The following USH2A variants were observed in gnomAD, a reference collection of about 807,000 sequenced individuals.
USH2A encodes the protein Usher syndrome 2A (autosomal recessive, mild).
USH2A carries 443 observed loss-of-function variants against 538.9 expected under a neutral mutation model. That is an observed-to-expected ratio of 0.82 (90% CI 0.76 to 0.89). The LOEUF is 0.89. USH2A is among the 40% of genes least tolerant of loss of function. The pLI is 0.00. For synonymous variants in USH2A, 2,413 were observed against 2,273.5 expected, an observed-to-expected ratio of 1.06 and a Z score of -1.75; for missense variants, 6,633 against 6,324.8, an observed-to-expected ratio of 1.05 and a Z score of -1.65.
chr1:215,759,503 CTG>C (rs376235438), intron 57 of USH2A, among the ~76,000 whole-genome samples, 155 bp downstream of exon 57: 1 of 152,178 alleles, frequency 6.6e-6, no homozygotes, highest in Non-Finnish European at 1.5e-5. Context: ...AGTCTAAAGA[CTG>C]AATGATTTAG....
chr1:216,400,304 A>G (rs1284713565), intron 3 of USH2A, among the ~76,000 whole-genome samples: 1 of 151,702 alleles, frequency 6.6e-6, no homozygotes, highest in Non-Finnish European at 1.5e-5. Flanking sequence ...AACTTGCTAT[A>G]TGGGTTCAAG....
At chr1:215,962,711 G>A (rs1487772991) in intron 37 of USH2A, among the ~76,000 whole-genome samples, 1 of 151,984 alleles carries the variant, frequency 6.6e-6, no homozygotes, top group East Asian at 1.9e-4. Context: ...GATATAAGAA[G>A]CTGAGCACAC....
chr1:216,302,030 A>G (rs1482653580), intron 9 of USH2A, among the ~76,000 whole-genome samples: 2 of 152,200 alleles, frequency 1.3e-5, no homozygotes, highest in African/African-American at 4.8e-5. Flanking sequence ...TAAAAACTTT[A>G]GTGTACTCAG....
intron 61 of USH2A, among the ~76,000 whole-genome samples, chr1:215,683,242 C>T (rs1658300332): frequency 8.0e-5 from 1 of 12,502 alleles, no homozygotes; most frequent in African/African-American, 1.7e-4. Context: ...CACACACACA[C>T]ACACACACAC....
chr1:216,219,155 C>T (rs1321356114), intron 14 of USH2A, among the ~76,000 whole-genome samples: 4 of 151,950 alleles, frequency 2.6e-5, no homozygotes, highest in South Asian at 2.1e-4. Flanking sequence ...AACATAATTC[C>T]GTTCCTTGAT....
At chr1:216,044,444 T>A (rs1209533700) in intron 32 of USH2A, among the ~76,000 whole-genome samples, 1 of 152,152 alleles carries the variant, frequency 6.6e-6, no homozygotes, top group African/African-American at 2.4e-5. Context: ...ATGGTGTGAT[T>A]TAATTTTTTC....
Position 215,867,170 on chromosome 1 carries a change from C to T in USH2A, c.8682G>A (p.Arg2894=), listed in dbSNP as rs773808835. The T allele has an allele frequency of 4.3e-6, 7 of 1,613,660 alleles. No individual in the cohort carries two copies. In the Admixed American group the frequency reaches 1.2e-4, roughly 27 times the overall value. The part of the protein sequence containing the change: ...QWLYEDKGLS[R]FTTYEYMLFV... ...AGAGCATATATTCATAGGTTGTAAACCTAAAATGTTGTTTTGTTAAAAAAA... is the reference window on the plus strand; with the variant it reads ...AGAGCATATATTCATAGGTTGTAAATCTAAAATGTTGTTTTGTTAAAAAAA... The change falls in exon 44 of 72, where the codon AGG becomes AGA. Residue 2894 remains arginine (R), a splice_region_variant and synonymous_variant. Transcript: ENST00000307340.
intron 64 of USH2A, among the ~76,000 whole-genome samples, chr1:215,655,722 A>ATTTTTTT (rs1657224342): frequency 9.6e-6 from 1 of 103,692 alleles, no homozygotes; most frequent in East Asian, 3.2e-4. Flanking sequence ...TGTGCTAGTT[A>ATTTTTTT]TTCTTTTTTT....
At chr1:216,119,659 A>G (rs1192862870) in intron 21 of USH2A, among the ~76,000 whole-genome samples, 3 of 152,172 alleles carry the variant, frequency 2.0e-5, no homozygotes. Context: ...TGACAAGATA[A>G]TTAAACAAAA....
At chr1:216,418,757 T>C (rs2039622934) in intron 2 of USH2A, 78 bp from the exon 3 acceptor site, 1 of 1,550,254 alleles carries the variant, frequency 6.5e-7, no homozygotes, top group Non-Finnish European at 8.9e-7. Flanking sequence ...GCAGTTACAG[T>C]GGTGTTAAAA....
rs72742730 is a variant in USH2A at position 215,787,770 on chromosome 1, G to A, written c.10183-896C>T. ...TCAAAAATATATAGTGGGTCTGGGC[G>A]CAGTGGCTCATGTCTATAATCCCAA... On this transcript the variant is annotated intron_variant, in intron 51 of 71. Coordinates refer to ENST00000307340, the MANE Select transcript of USH2A (RefSeq NM_206933.4). Among the ~76,000 whole-genome samples, 926 of 152,218 alleles carry A rather than the reference G, an allele frequency of 6.1e-3. 5 individuals carry two copies. The highest frequency in any genetic ancestry group is 8.3e-3 in the Non-Finnish European group (564 of 68,018).
chr1:215,672,026 C>A (rs1054768835), intron 63 of USH2A, among the ~76,000 whole-genome samples: 5 of 152,210 alleles, frequency 3.3e-5, no homozygotes, highest in African/African-American at 1.2e-4. Flanking sequence ...GACACCTTAT[C>A]ACCATCCAGT....
At chr1:215,664,671 A>G (rs1347365678) in intron 64 of USH2A, among the ~76,000 whole-genome samples, 3 of 152,184 alleles carry the variant, frequency 2.0e-5, no homozygotes, top group African/African-American at 7.2e-5. Flanking sequence ...CTTCAAATAC[A>G]TATGTTGAAG....
intron 23 of USH2A, among the ~76,000 whole-genome samples, chr1:216,087,765 T>C: frequency 6.6e-6 from 1 of 152,158 alleles, no homozygotes; most frequent in East Asian, 1.9e-4. Context: ...TCTTATTATA[T>C]CTTCAATTAT....
intron 21 of USH2A, among the ~76,000 whole-genome samples, chr1:216,103,393 C>G (rs931432781): frequency 1.3e-5 from 2 of 152,204 alleles, no homozygotes; most frequent in African/African-American, 4.8e-5. Flanking sequence ...ATCCAAAAGC[C>G]TTTATCCCTG....
intron 59 of USH2A, among the ~76,000 whole-genome samples, chr1:215,742,447 T>C (rs1420646401): frequency 2.8e-5 from 4 of 142,700 alleles, no homozygotes; most frequent in Admixed American, 8.9e-5. Context: ...TTATATATGA[T>C]ATACACATAT....
At chr1:216,085,844 G>A (rs1449928840) in intron 24 of USH2A, among the ~76,000 whole-genome samples, 1 of 151,924 alleles carries the variant, frequency 6.6e-6, no homozygotes, top group Non-Finnish European at 1.5e-5. Context: ...AATCAGCCTT[G>A]AGGATTCAAC....
chr1:216,407,827 C>A (rs970145370), intron 3 of USH2A, among the ~76,000 whole-genome samples: 1 of 151,406 alleles, frequency 6.6e-6, no homozygotes, highest in Non-Finnish European at 1.5e-5. Context: ...ATGACAATTC[C>A]ATTAGATAAT....
chr1:216,178,242 C>A (rs531985155), intron 20 of USH2A, among the ~76,000 whole-genome samples: 1 of 152,162 alleles, frequency 6.6e-6, no homozygotes, highest in Non-Finnish European at 1.5e-5. Context: ...TCTGCCACTG[C>A]AGCCCATGTG....
Sources: gnomAD v4.1 joint callset for allele counts (sites outside exome capture counted in the v4.1 genomes callset) on GRCh38, gnomAD v4.1.1 for gene constraint, MANE v1.5 for transcripts, NCBI Gene and HGNC (gene_info 2026-07-23, HGNC 2026-07-21) for gene names.